The following RADX variants were observed in gnomAD, a reference collection of about 807,000 sequenced individuals.
RADX encodes RPA-related protein RADX.
In RADX, 36 loss-of-function variants were observed where a neutral mutation model predicts 61.6. That is an observed-to-expected ratio of 0.58 (90% CI 0.45 to 0.77). The LOEUF (loss-of-function observed/expected upper bound fraction) is 0.77. RADX is among the 30% of genes least tolerant of loss of function. RADX has a pLI of 0.00. For missense variants in RADX, 497 were observed against 651.1 expected (o/e 0.76, Z 2.58); for synonymous variants, 272 against 237.9 (o/e 1.14, Z -1.32).
At chrX:106,629,468 G>C (rs956407204) in intron 3 of RADX, among the ~76,000 whole-genome samples, 1 of 111,554 alleles carries the variant, frequency 9.0e-6, no homozygotes, top group Admixed American at 9.6e-5. Flanking sequence ...TACACAGAAA[G>C]TTCTTAGAAA....
rs182556770 is a variant in RADX, at chrX:106,674,788, G to C, written c.2438-3340G>C. On this transcript the variant is annotated intron_variant, in intron 13 of 13. Coordinates refer to ENST00000372548, the MANE Select transcript of RADX (RefSeq NM_018015.6). ...CGCCTGTACTCCCAGCACTTTGGGA[G>C]GCCAAGGCGGGCGGATCACGAGGTT... is the stretch of plus-strand genomic sequence containing the variant. Among the ~76,000 whole-genome samples the C allele has an allele frequency of 6.6e-3, 737 of 111,645 alleles. 7 individuals carry two copies. The highest frequency in any genetic ancestry group is 0.023 in the African/African-American group (695 of 30,683).
At chrX:106,640,752 T>A (rs375863302) in intron 10 of RADX, 31 bp downstream of exon 10, 1 of 1,034,531 alleles carries the variant, frequency 9.7e-7, no homozygotes. Flanking sequence ...ATATGTAAAG[T>A]ATATTTTTTC....
At chrX:106,661,972 A>C in intron 11 of RADX, 43 bp from the exon 12 acceptor site, 2 of 1,105,105 alleles carry the variant, frequency 1.8e-6, no homozygotes, top group Non-Finnish European at 2.4e-6. Context: ...TGATTTGATT[A>C]GTTTATAGAT....
chrX:106,621,260 T>A (rs1926935790), intron 1 of RADX, among the ~76,000 whole-genome samples: 1 of 112,424 alleles, frequency 8.9e-6, no homozygotes, highest in African/African-American at 3.2e-5. Context: ...AGTATCCTAA[T>A]ACTAAAAATT....
chrX:106,633,344 A>G, intron 6 of RADX, 92 bp downstream of exon 6: 1 of 768,015 alleles, frequency 1.3e-6, no homozygotes. Context: ...AAGTAGGGTG[A>G]CATTGAGTTG....
At chrX:106,627,975 A>G (rs1403864664) in intron 3 of RADX, among the ~76,000 whole-genome samples, 1 of 111,453 alleles carries the variant, frequency 9.0e-6, no homozygotes, top group African/African-American at 3.3e-5. Flanking sequence ...AGCTGGGATT[A>G]CAGGCACACG....
intron 11 of RADX, among the ~76,000 whole-genome samples, chrX:106,653,313 G>C (rs959324007): frequency 3.6e-5 from 4 of 110,486 alleles, no homozygotes; most frequent in Non-Finnish European, 7.6e-5. Flanking sequence ...TAGAAGTAAA[G>C]TGTTATGAAA....
At chrX:106,657,928 A>G (rs1046757457) in intron 11 of RADX, among the ~76,000 whole-genome samples, 1 of 111,898 alleles carries the variant, frequency 8.9e-6, no homozygotes, top group Non-Finnish European at 1.9e-5. Context: ...CTGTTTAAAA[A>G]ATGTCACCAA....
chrX:106,658,968 T>C (rs1928019532), intron 11 of RADX, among the ~76,000 whole-genome samples: 1 of 109,356 alleles, frequency 9.1e-6, no homozygotes, highest in Non-Finnish European at 1.9e-5. Flanking sequence ...CATTACATTT[T>C]TTTTTTTTTT....
chrX:106,666,407 T>C (rs953485898), intron 12 of RADX, among the ~76,000 whole-genome samples: 1 of 111,968 alleles, frequency 8.9e-6, no homozygotes, highest in Non-Finnish European at 1.9e-5. Context: ...TCAAAAGATA[T>C]AAACCCCAAT....
At position 106,633,395 on chromosome X, in the gene RADX, T is replaced by C. The variant is rs1927283155; in HGVS notation, c.1303+143T>C. Reference sequence around the variant, plus strand: ...TGACAGCATGTTTAAATCTTTTCTATATTAATATCGTTTTTTATAGACATT... The same window carrying C: ...TGACAGCATGTTTAAATCTTTTCTACATTAATATCGTTTTTTATAGACATT... On this transcript the variant is annotated intron_variant, in intron 6 of 13. Transcript: ENST00000372548. The C allele has an allele frequency of 6.5e-6, 3 of 465,108 alleles. No homozygotes were observed. The Admixed American group carries it at 1.3e-4, about 21-fold the overall frequency. The allele number at this position is 465,108 out of a possible 1,213,427, so 38.3% of individuals were successfully genotyped here. A position where few individuals can be genotyped will look rare whatever the true frequency, so the allele number is the denominator to read the frequency against.
At chrX:106,639,140 T>A (rs1048140262) in intron 8 of RADX, among the ~76,000 whole-genome samples, 3 of 112,023 alleles carry the variant, frequency 2.7e-5, no homozygotes, top group Non-Finnish European at 5.6e-5. Context: ...AATGCGGACC[T>A]ATCATCATCT....
chrX:106,662,047 A>C lies in RADX; in HGVS notation c.2011A>C (p.Lys671Gln). Reference protein sequence around the residue: ...RANINANLQGKARKTISDRWE... With the variant: ...RANINANLQGQARKTISDRWE... ...AAATATAAATGCTAATCTGCAAGGG[A>C]AAGCCAGAAAAACTATAAGTGATAG... Residue 671 changes from lysine to glutamine, a missense_variant, in exon 12 of 14, where the codon AAA (lysine) becomes CAA (glutamine). Transcript: ENST00000372548. 2 of 1,210,569 alleles carry C rather than the reference A, an allele frequency of 1.7e-6. No individual in the cohort carries two copies. Among genetic ancestry groups the C allele is most frequent in the Non-Finnish European group, 2.2e-6 (2 of 894,932 alleles).
chrX:106,648,091 G>A (rs183463636), intron 10 of RADX, among the ~76,000 whole-genome samples: 2 of 110,821 alleles, frequency 1.8e-5, no homozygotes, highest in East Asian at 5.7e-4. Context: ...CCCTTTTATG[G>A]AATAATCTTT....
At chrX:106,643,420 A>G (rs1340725702) in intron 10 of RADX, among the ~76,000 whole-genome samples, 2 of 111,387 alleles carry the variant, frequency 1.8e-5, no homozygotes, top group East Asian at 5.6e-4. Context: ...AATGTCCTGT[A>G]GATTTTGCCC....
chrX:106,676,044 C>G (rs914061280), intron 13 of RADX, among the ~76,000 whole-genome samples: 1 of 111,772 alleles, frequency 8.9e-6, no homozygotes, highest in African/African-American at 3.3e-5. Flanking sequence ...GAACAGAAGA[C>G]TTATTTATAT....
At chrX:106,614,046 T>C (rs926266104) in intron 1 of RADX, among the ~76,000 whole-genome samples, 4 of 112,145 alleles carry the variant, frequency 3.6e-5, no homozygotes, top group Non-Finnish European at 7.5e-5. Flanking sequence ...TGAAAGTATA[T>C]TGTGTTAGAA....
chrX:106,656,196 T>G (rs1335692715), intron 11 of RADX, among the ~76,000 whole-genome samples: 1 of 112,415 alleles, frequency 8.9e-6, no homozygotes, highest in African/African-American at 3.2e-5. Context: ...TTTGTTCATT[T>G]GTAAGAAGCA....
intron 9 of RADX, 57 bp downstream of exon 9, chrX:106,639,744 A>T: frequency 2.1e-6 from 2 of 944,295 alleles, no homozygotes; most frequent in African/African-American, 3.9e-5. Context: ...TATGATTGCA[A>T]TTGGTACCTT....
Sources: allele counts gnomAD v4.1 joint callset (sites outside exome capture counted in the v4.1 genomes callset), GRCh38; gene constraint gnomAD v4.1.1; transcripts MANE v1.5; gene names NCBI Gene and HGNC (gene_info 2026-07-23, HGNC 2026-07-21).